TECPR1: variants seen among roughly 807,000 people sequenced by gnomAD.
The protein encoded by TECPR1 is tectonin beta-propeller repeat-containing protein 1.
In TECPR1, 122 loss-of-function variants were observed where a neutral mutation model predicts 162.4. The ratio of observed to expected loss-of-function variants is 0.75; its 90% CI spans 0.65 to 0.87. The LOEUF (loss-of-function observed/expected upper bound fraction) is 0.87, where lower values mean the gene tolerates loss of function less well. Ranked by LOEUF, TECPR1 falls within the 40% of genes least tolerant of loss-of-function variation. The pLI is 0.00. For missense variants in TECPR1, 1,432 were observed against 1,618.2 expected, an observed-to-expected ratio of 0.88 and a Z score of 1.97; for synonymous variants, 642 against 670.6, an observed-to-expected ratio of 0.96 and a Z score of 0.66.
chr7:98,241,591 G>T lies in TECPR1; in HGVS notation c.658-347C>A, dbSNP rs1037805123. 2.3e-4 allele frequency among the ~76,000 whole-genome samples: 35 copies of T among 152,140 alleles called. No individual in the cohort carries two copies. The highest frequency in any genetic ancestry group is 8.2e-4 in the African/African-American group (34 of 41,434). ...TGCTCTCAGGACACCCGGCTCCAGGGGAGGCTCCAACTCCCATTCATAAAC... is the reference window on the plus strand; with the variant it reads ...TGCTCTCAGGACACCCGGCTCCAGGTGAGGCTCCAACTCCCATTCATAAAC... On this transcript the variant is annotated intron_variant, in intron 6 of 25. Transcript: ENST00000447648. The surrounding 1 kb of genome is among the most constrained non-coding windows in gnomAD (Gnocchi z 5.0).
At chr7:98,223,768 G>C (rs749180777) in intron 19 of TECPR1, 50 bp from the exon 20 acceptor site, 5 of 1,591,498 alleles carry the variant, frequency 3.1e-6, no homozygotes, top group Non-Finnish European at 4.3e-6. Flanking sequence ...GAAGTTTCTG[G>C]AAAGGGACCG....
Position 98,233,497 on chromosome 7 carries a change from C to A in TECPR1, c.1596G>T (p.Pro532=), listed in dbSNP as rs758468574. ...CGCCTCCCGACACCCAGGCCCACAG[C>A]GGGTGGTCATCCACCCCATACGGCT... The part of the protein sequence containing the change: ...LEEPYGVDDH[P]LWAWVSGGGC... The change falls in exon 11 of 26, where the codon CCG becomes CCT. Residue 532 remains proline (P), a synonymous_variant. Transcript: ENST00000447648. 6 of 1,510,624 alleles carry A rather than the reference C, an allele frequency of 4.0e-6. No homozygotes were observed. The African/African-American group carries it at 5.6e-5, about 14-fold the overall frequency. The allele number at this position is 1,510,624 out of a possible 1,614,324, so 93.6% of individuals were successfully genotyped here. A position where few individuals can be genotyped will look rare whatever the true frequency, so the allele number is the denominator to read the frequency against.
At chr7:98,237,604 G>T (rs1236769026) in intron 9 of TECPR1, among the ~76,000 whole-genome samples, 1 of 152,258 alleles carries the variant, frequency 6.6e-6, no homozygotes, top group African/African-American at 2.4e-5. Context: ...GAGTGGCTGG[G>T]ATTACAGTCA....
In TECPR1 at chr7:98,217,685, C is replaced by T. The variant is rs929301560; in HGVS notation, c.3384+7G>A. On this transcript the variant is annotated splice_region_variant and intron_variant, in intron 25 of 25. Transcript: ENST00000447648. The stretch of plus-strand genomic sequence containing the variant: ...TAACACAGCCCAAGGCCGCGGGCCC[C>T]GCTCACCCCGATGCCGTAGTCCCAG... 9 of 1,536,962 alleles carry T rather than the reference C, an allele frequency of 5.9e-6. No individual in the cohort carries two copies. Among genetic ancestry groups the T allele is most frequent in the Admixed American group, 2.0e-5 (1 of 50,448 alleles).
At position 98,246,083 on chromosome 7, in the gene TECPR1, C is replaced by G; in HGVS notation, c.64G>C (p.Gly22Arg). Residue 22 changes from glycine to arginine, a missense_variant, in exon 3 of 26, where the codon GGC becomes CGC. By Grantham distance (125) the Gly-to-Arg change is moderately radical. Transcript: ENST00000447648. Reference protein sequence around the residue: ...FGRVYTLSTAGQYWEMCKDSQ... With the variant: ...FGRVYTLSTARQYWEMCKDSQ... ...TCCTTGCACATTTCCCAGTACTGGC[C>G]TGCTGTGGACAGCGTGTACACTCTC... 1 of 1,563,674 alleles carries G rather than the reference C, an allele frequency of 6.4e-7. No individual in the cohort carries two copies. The highest frequency in any genetic ancestry group is 8.7e-7 in the Non-Finnish European group (1 of 1,154,834).
At position 98,225,646 on chromosome 7, in the gene TECPR1, C is replaced by T. The variant is rs142332323; in HGVS notation, c.2514-544G>A. Among the ~76,000 whole-genome samples, 630 of 152,072 alleles carry T rather than the reference C, an allele frequency of 4.1e-3. 3 individuals are homozygous for T. The highest frequency in any genetic ancestry group is 0.014 in the African/African-American group (579 of 41,494). On this transcript the variant is annotated intron_variant, in intron 17 of 25. Coordinates refer to ENST00000447648, the MANE Select transcript of TECPR1 (RefSeq NM_015395.3). Reference sequence around the variant, plus strand: ...TCTTTCCCTTTCTCTCTTGCTCACTCGTTCTCTTTTCTTTCTTTCTTTTCA... The same window carrying T: ...TCTTTCCCTTTCTCTCTTGCTCACTTGTTCTCTTTTCTTTCTTTCTTTTCA...
At chr7:98,242,770 C>CCAT (rs1798788110) in intron 6 of TECPR1, among the ~76,000 whole-genome samples, 2 of 80,654 alleles carry the variant, frequency 2.5e-5, no homozygotes, top group African/African-American at 4.6e-5. Context: ...CACCCATCCA[C>CCAT]CCACCCACCC....
intron 9 of TECPR1, among the ~76,000 whole-genome samples, chr7:98,238,164 G>A (rs1457259964): frequency 2.6e-5 from 4 of 152,166 alleles, no homozygotes; most frequent in Non-Finnish European, 1.5e-5. Context: ...CCTACTCTCT[G>A]CCTTTGGGCA....
At chr7:98,237,912 A>G (rs1798641773) in intron 9 of TECPR1, among the ~76,000 whole-genome samples, 2 of 151,890 alleles carry the variant, frequency 1.3e-5, no homozygotes, top group African/African-American at 2.4e-5. Context: ...AGATGGGACT[A>G]CAGGTGCACA....
Position 98,243,608 on chromosome 7 carries a change from G to GA in TECPR1, c.532-17dup, listed in dbSNP as rs779791422. On this transcript the variant is annotated splice_polypyrimidine_tract_variant and intron_variant, in intron 5 of 25. Transcript: ENST00000447648. ...TCGAGGGGATCTGAAGGAAGGAAGTGAGAAATGGTAGCAGTCAGCGCCCAG... is the reference window on the plus strand; with the variant it reads ...TCGAGGGGATCTGAAGGAAGGAAGTGAAGAAATGGTAGCAGTCAGCGCCCAG... The GA allele has an allele frequency of 3.7e-5, 59 of 1,609,550 alleles. No individual in the cohort carries two copies. The African/African-American group carries it at 5.9e-4, about 16-fold the overall frequency.
At chr7:98,237,697 G>A (rs989026919) in intron 9 of TECPR1, among the ~76,000 whole-genome samples, 3 of 150,984 alleles carry the variant, frequency 2.0e-5, no homozygotes, top group Non-Finnish European at 4.4e-5. Flanking sequence ...TCAAACTCCT[G>A]ACCTCAGGCG....
At chr7:98,235,827 CAAAAAA>C (rs765569294) in intron 10 of TECPR1, among the ~76,000 whole-genome samples, 12,600 of 35,476 alleles carry the variant, frequency 0.36, 1,359 homozygotes, top group Middle Eastern at 0.52. Context: ...GAGACTGTCT[CAAAAAA>C]AAAAAAAAAA....
rs563064633 is a variant in TECPR1 at position 98,219,676 on chromosome 7, C to T, written c.3158-1634G>A. On this transcript the variant is annotated intron_variant, in intron 23 of 25. Coordinates refer to ENST00000447648, the MANE Select transcript of TECPR1 (RefSeq NM_015395.3). ...CAGCACTTTGGGAGGCCAAGGCAGG[C>T]GGATCACCTGAGGTTGAGAGTTCGA... is the stretch of plus-strand genomic sequence containing the variant. 2.0e-3 allele frequency among the ~76,000 whole-genome samples: 309 copies of T among 152,190 alleles called. 2 individuals are homozygous for T. Among genetic ancestry groups the T allele is most frequent in the Non-Finnish European group, 3.8e-3 (257 of 68,002 alleles).
intron 11 of TECPR1, 184 bp from the exon 12 acceptor site, chr7:98,233,156 G>A: frequency 1.2e-6 from 1 of 824,268 alleles, no homozygotes; most frequent in East Asian, 2.8e-5. Flanking sequence ...AGCCTGGAAA[G>A]CAGCCACCAC....
chr7:98,227,821 C>CAAA (rs61468739), intron 17 of TECPR1, among the ~76,000 whole-genome samples, 193 bp downstream of exon 17: 2,495 of 102,204 alleles, frequency 0.024, 83 homozygotes, highest in Non-Finnish European at 0.034. Context: ...GACCCTGTAT[C>CAAA]AAAAAAAAAA....
chr7:98,215,711 T>C lies in TECPR1; in HGVS notation c.*1679A>G, dbSNP rs1480667794. The C allele has an allele frequency of 6.6e-6, 1 of 152,150 alleles. No individual in the cohort carries two copies. The highest frequency in any genetic ancestry group is 2.4e-5 in the African/African-American group (1 of 41,400). The allele number at this position is 152,150 out of a possible 1,614,324, so 9.4% of individuals were successfully genotyped here. A position where few individuals can be genotyped will look rare whatever the true frequency, so the allele number is the denominator to read the frequency against. On this transcript the variant is annotated 3_prime_UTR_variant, in exon 26 of 26. Transcript: ENST00000447648. ...CAGGTCACTGTTGTAGGGGAACAAA[T>C]CGTAATGCCCAGAGAAAACCTGATA...
intron 19 of TECPR1, 123 bp from the exon 20 acceptor site, chr7:98,223,841 G>A: frequency 9.4e-7 from 1 of 1,066,412 alleles, no homozygotes; most frequent in Non-Finnish European, 1.4e-6. Flanking sequence ...AGCCATGGAT[G>A]GGGTTCAGAG....
chr7:98,226,553 C>T, intron 17 of TECPR1: 1 of 1,037,444 alleles, frequency 9.6e-7, no homozygotes, highest in Non-Finnish European at 1.2e-6. Flanking sequence ...ATTGCAGTTG[C>T]TGTCTTTGGC....
At chr7:98,249,063 A>G (rs1157669868) in intron 2 of TECPR1, among the ~76,000 whole-genome samples, 1 of 151,768 alleles carries the variant, frequency 6.6e-6, no homozygotes, top group East Asian at 2.0e-4. Flanking sequence ...CCATTTTTGT[A>G]TTTTTAGTAG....
Sources: gnomAD v4.1 joint callset for allele counts (sites outside exome capture counted in the v4.1 genomes callset) on GRCh38, gnomAD v4.1.1 for gene constraint, Gnocchi (gnomAD v3.1) non-coding constraint, MANE v1.5 for transcripts, NCBI Gene and HGNC (gene_info 2026-07-23, HGNC 2026-07-21) for gene names.